Variants in MKRN1 observed in about 807,000 individuals in gnomAD.
MKRN1 encodes the protein E3 ubiquitin-protein ligase makorin-1.
In MKRN1, 9 loss-of-function variants were observed where a neutral mutation model predicts 55.5. The ratio of observed to expected loss-of-function variants is 0.16; its 90% CI spans 0.10 to 0.28. The LOEUF is 0.28. Among genes scored for constraint, MKRN1 ranks in the 10% least tolerant of loss-of-function variants. The probability of loss-of-function intolerance (pLI) is 1.00; values close to 1 mark genes in which losing one functional copy is unlikely to be tolerated. For synonymous variants in MKRN1, 253 were observed against 235.9 expected (o/e 1.07, Z -0.66); for missense variants, 488 against 626.7 (o/e 0.78, Z 2.36).
intron 1 of MKRN1, among the ~76,000 whole-genome samples, chr7:140,474,001 A>AG (rs1554450277): frequency 6.8e-5 from 7 of 103,366 alleles, no homozygotes; most frequent in African/African-American, 2.6e-4. Context: ...TCAAAAAAAA[A>AG]AAAAAAAGAA....
rs1062768 is a variant in MKRN1, at chr7:140,456,748, C to T, written c.890G>A (p.Arg297His). The T allele has an allele frequency of 5.6e-6, 9 of 1,614,044 alleles. No individual in the cohort carries two copies. Among genetic ancestry groups the T allele is most frequent in the African/African-American group, 2.7e-5 (2 of 75,028 alleles). ...VVYEKANPSE[R>H]RFGILSNCNH... ...GCAGTTGGAGAGGATCCCGAAGCGG[C>T]GCTCACTGGGGTTGGCTTTCTCATA... Residue 297 changes from arginine to histidine, a missense_variant, in exon 5 of 8, where the codon CGC becomes CAC. Arg to His is a conservative substitution (Grantham distance 29). Around this residue, in one of 2 missense-constraint regions of MKRN1, gnomAD observed 278 missense variants for 406.7 expected, o/e 0.68. Transcript: ENST00000255977.
chr7:140,457,893 C>T (rs556502085), intron 4 of MKRN1, among the ~76,000 whole-genome samples: 2 of 152,156 alleles, frequency 1.3e-5, no homozygotes, highest in African/African-American at 4.8e-5. Flanking sequence ...CACAAAAGTA[C>T]GCTGAAGATA....
intron 3 of MKRN1, 140 bp from the exon 4 acceptor site, chr7:140,459,373 G>T (rs1334196471): frequency 3.4e-6 from 3 of 871,046 alleles, no homozygotes; most frequent in African/African-American, 1.7e-5. Context: ...TTCTTCACTT[G>T]AAAGAAAGGA....
At chr7:140,478,546 G>T (rs1333583306) in intron 1 of MKRN1, 2 of 151,786 alleles carry the variant, frequency 1.3e-5, no homozygotes, top group South Asian at 4.1e-4. Context: ...ACAAAGCTCA[G>T]CACCGCCAAC....
intron 1 of MKRN1, among the ~76,000 whole-genome samples, chr7:140,476,551 T>G (rs1489483624): frequency 8.0e-5 from 12 of 150,676 alleles, no homozygotes; most frequent in African/African-American, 4.9e-5. Context: ...TTTTGTTTTT[T>G]TTTTTTTTAA....
At chr7:140,474,501 AAT>A in intron 1 of MKRN1, 2 of 310,662 alleles carry the variant, frequency 6.4e-6, no homozygotes, top group Non-Finnish European at 1.3e-5. Context: ...TCAAAAAAAA[AAT>A]AAATAAATAA....
chr7:140,463,443 T>A (rs1186649176), intron 2 of MKRN1, among the ~76,000 whole-genome samples: 1 of 152,206 alleles, frequency 6.6e-6, no homozygotes, highest in Non-Finnish European at 1.5e-5. Context: ...AGTTCTTCAG[T>A]CCTTCCTCTA....
chr7:140,478,587 AG>A (rs1237845591), intron 1 of MKRN1: 2 of 152,190 alleles, frequency 1.3e-5, no homozygotes, highest in African/African-American at 4.8e-5. Context: ...GAAATACAAA[AG>A]CTTCTTCTCA....
chr7:140,464,180 A>G lies in MKRN1; in HGVS notation c.315-4244T>C, dbSNP rs565543713. ...AGCAATTCACTGGCCTCAGCCTCCC[A>G]AAGTGCTGGGATTATAGGCGTGAGC... On this transcript the variant is annotated intron_variant, in intron 2 of 7. Transcript: ENST00000255977. 2.0e-4 allele frequency among the ~76,000 whole-genome samples: 30 copies of G among 152,078 alleles called. No homozygotes were observed. The South Asian group carries it at 6.0e-3, about 31-fold the overall frequency.
intron 1 of MKRN1, 53 bp from the exon 2 acceptor site, chr7:140,472,064 A>G: frequency 1.9e-6 from 3 of 1,608,080 alleles, no homozygotes; most frequent in Non-Finnish European, 2.6e-6. Flanking sequence ...TGAAAATATT[A>G]AAACTAATTA....
chr7:140,476,671 A>ACTGAGAT (rs1585501640), intron 1 of MKRN1, among the ~76,000 whole-genome samples: 1 of 151,840 alleles, frequency 6.6e-6, no homozygotes, highest in East Asian at 1.9e-4. Context: ...GATACTCAGT[A>ACTGAGAT]ACTGAGTATC....
intron 2 of MKRN1, among the ~76,000 whole-genome samples, chr7:140,470,046 C>CA (rs35753653): frequency 0.017 from 848 of 50,884 alleles, 16 homozygotes; most frequent in African/African-American, 0.048. Context: ...GGCTCTGTCT[C>CA]AAAAAAAAAA....
intron 2 of MKRN1, among the ~76,000 whole-genome samples, chr7:140,460,829 A>G (rs1794597348): frequency 6.6e-6 from 1 of 152,242 alleles, no homozygotes; most frequent in Non-Finnish European, 1.5e-5. Context: ...TACAATCAAC[A>G]TCACAACTAC....
rs530595001 is a variant in MKRN1 at position 140,460,920 on chromosome 7, T to C, written c.315-984A>G. On this transcript the variant is annotated intron_variant, in intron 2 of 7. Coordinates refer to ENST00000255977, the MANE Select transcript of MKRN1 (RefSeq NM_013446.4). ...AATGTGTAACTGTTCCGATCAAACT[T>C]GATTTATGAAAACGGCCTTTGGCCA... 1.3e-3 allele frequency among the ~76,000 whole-genome samples: 195 copies of C among 152,362 alleles called. 2 individuals carry two copies. The highest frequency in any genetic ancestry group is 0.013 in the Admixed American group (194 of 15,300).
rs1482830985 is a variant in MKRN1, at chr7:140,456,849, A to G, written c.789T>C (p.His263=). The change falls in exon 5 of 8, where the codon CAT becomes CAC. Residue 263 remains histidine (H), a synonymous_variant. Transcript: ENST00000255977. ...SQHIKSCIEA[H]EKDMELSFAV... is the part of the protein sequence containing the mutation. The stretch of plus-strand genomic sequence containing the variant: ...CAAATGAGAGCTCCATGTCCTTCTC[A>G]TGGGCCTCAATGCACGACTAGAGAA... 1.9e-6 allele frequency: 3 copies of G among 1,613,784 alleles called. No individual in the cohort carries two copies. Among genetic ancestry groups the G allele is most frequent in the Admixed American group, 1.7e-5 (1 of 59,950 alleles).
intron 1 of MKRN1, chr7:140,475,202 G>A: frequency 2.3e-6 from 1 of 433,470 alleles, no homozygotes; most frequent in South Asian, 1.6e-5. Context: ...AATTAGCCGA[G>A]TGTGATGGCA....
At chr7:140,462,606 A>G (rs956283472) in intron 2 of MKRN1, among the ~76,000 whole-genome samples, 1 of 151,414 alleles carries the variant, frequency 6.6e-6, no homozygotes, top group Admixed American at 6.6e-5. Context: ...GTGTGGGTGG[A>G]TTGCCTGAGC....
intron 2 of MKRN1, among the ~76,000 whole-genome samples, chr7:140,467,136 C>T (rs13438384): frequency 0.22 from 33,554 of 151,886 alleles, 5,533 homozygotes; most frequent in African/African-American, 0.47. Context: ...CGCCACCATG[C>T]TTGGGTAATT....
intron 2 of MKRN1, among the ~76,000 whole-genome samples, chr7:140,466,038 G>A (rs756931108): frequency 2.0e-5 from 3 of 151,864 alleles, no homozygotes; most frequent in Non-Finnish European, 4.4e-5. Flanking sequence ...CCGAGATCAC[G>A]CCACTGCACT....
Sources: allele counts gnomAD v4.1 joint callset (sites outside exome capture counted in the v4.1 genomes callset), GRCh38; gene constraint gnomAD v4.1.1; regional missense constraint gnomAD v4.1.1; transcripts MANE v1.5; gene names NCBI Gene and HGNC (gene_info 2026-07-23, HGNC 2026-07-21).